The following ZNF529 variants were observed in gnomAD, a reference collection of about 807,000 sequenced individuals.
The protein encoded by ZNF529 is zinc finger protein 529.
In ZNF529, 11 loss-of-function variants were observed where a neutral mutation model predicts 10.1. That is an observed-to-expected ratio of 1.09 (90% CI 0.69 to 1.81). The LOEUF (loss-of-function observed/expected upper bound fraction) is 1.81, where lower values mean the gene tolerates loss of function less well. Among genes scored for constraint, ZNF529 ranks in the 40% most tolerant of loss-of-function variants. The probability of loss-of-function intolerance (pLI) is 0.00; values close to 1 mark genes in which losing one functional copy is unlikely to be tolerated. For synonymous variants in ZNF529, 204 were observed against 215.7 expected (o/e 0.95, Z 0.47); for missense variants, 624 against 666.8 (o/e 0.94, Z 0.71).
chr19:36,557,239 C>T (rs1445320235), intron 2 of ZNF529, among the ~76,000 whole-genome samples: 1 of 152,188 alleles, frequency 6.6e-6, no homozygotes, highest in Non-Finnish European at 1.5e-5. Flanking sequence ...GTAGGCAAGG[C>T]TGTACTCCCA....
At chr19:36,548,807 G>A (rs1268913560) in intron 4 of ZNF529, among the ~76,000 whole-genome samples, 1 of 152,136 alleles carries the variant, frequency 6.6e-6, no homozygotes, top group Admixed American at 6.6e-5. Context: ...GGTTACCTGA[G>A]CTCAGAACTT....
intron 2 of ZNF529, among the ~76,000 whole-genome samples, chr19:36,583,320 G>A (rs975405683): frequency 2.6e-5 from 4 of 152,042 alleles, no homozygotes; most frequent in African/African-American, 9.7e-5. Flanking sequence ...GCCTCCCAAA[G>A]TGCTGAGATT....
chr19:36,555,443 G>A lies in ZNF529; in HGVS notation c.109-647C>T, dbSNP rs1197225344. Among the ~76,000 whole-genome samples the A allele has an allele frequency of 2.3e-5, 2 of 86,118 alleles. 1 individual carries two copies. The highest frequency in any genetic ancestry group is 4.5e-5 in the Non-Finnish European group (2 of 44,016). The allele number at this position is 86,118 out of a possible 152,430, so 56.5% of individuals were successfully genotyped here. ...CCAGTAGCTGGGACTACAGGCGCCC[G>A]CCACCGCGCCCGGCTAATTTTTTGT... On this transcript the variant is annotated intron_variant, in intron 3 of 4. Transcript: ENST00000591340.
intron 2 of ZNF529, among the ~76,000 whole-genome samples, chr19:36,556,906 C>T (rs1352642758): frequency 6.6e-6 from 1 of 152,144 alleles, no homozygotes; most frequent in Non-Finnish European, 1.5e-5. Context: ...AGGGCAATGT[C>T]AAAAACTGAA....
intron 1 of ZNF529, among the ~76,000 whole-genome samples, chr19:36,601,355 C>T (rs1267218059): frequency 6.6e-6 from 1 of 151,912 alleles, no homozygotes; most frequent in African/African-American, 2.4e-5. Flanking sequence ...CCGCCTGCCT[C>T]GGCCTCCCAA....
chr19:36,576,158 C>A (rs3096619), upstream of ZNF529, among the ~76,000 whole-genome samples: 49,435 of 151,846 alleles, frequency 0.33, 8,396 homozygotes, highest in South Asian at 0.42. Flanking sequence ...CACGTGACTT[C>A]TTTTGCCTCC....
At chr19:36,554,863 G>A in intron 3 of ZNF529, 67 bp from the exon 4 acceptor site, 1 of 1,399,830 alleles carries the variant, frequency 7.1e-7, no homozygotes, top group South Asian at 1.6e-5. Context: ...AAGACAAGAG[G>A]AATTGCCTTA....
At chr19:36,556,878 TGGA>T (rs1293260648) in intron 2 of ZNF529, among the ~76,000 whole-genome samples, 1 of 152,164 alleles carries the variant, frequency 6.6e-6, no homozygotes, top group Non-Finnish European at 1.5e-5. Context: ...CAACAGAATG[TGGA>T]GAAGTTTAAA....
At chr19:36,599,789 A>G (rs1937010413) in intron 1 of ZNF529, among the ~76,000 whole-genome samples, 1 of 152,174 alleles carries the variant, frequency 6.6e-6, no homozygotes, top group Non-Finnish European at 1.5e-5. Flanking sequence ...GTGAGCAAAC[A>G]GGCTGGCAAA....
upstream of ZNF529, chr19:36,577,053 A>G: frequency 2.7e-6 from 1 of 370,474 alleles, no homozygotes. Context: ...CTTAGGCTCA[A>G]GTGACTCTCC....
upstream of ZNF529, chr19:36,577,537 G>A (rs2036356037): frequency 6.4e-6 from 1 of 155,122 alleles, no homozygotes; most frequent in African/African-American, 2.4e-5. Context: ...CTGGAATGCA[G>A]TGGCATTGTC....
intron 1 of ZNF529, among the ~76,000 whole-genome samples, chr19:36,601,196 T>G (rs1371644336): frequency 6.7e-6 from 1 of 149,516 alleles, no homozygotes. Flanking sequence ...TTTTTTTTTT[T>G]GAGACGGAGT....
intron 1 of ZNF529, among the ~76,000 whole-genome samples, chr19:36,599,747 G>A (rs1040463394): frequency 1.3e-5 from 2 of 152,146 alleles, no homozygotes; most frequent in Non-Finnish European, 1.5e-5. Flanking sequence ...AGAGCTGGGA[G>A]GGAAAGCTAT....
intron 2 of ZNF529, among the ~76,000 whole-genome samples, chr19:36,565,196 T>C (rs932976878): frequency 6.6e-6 from 1 of 152,098 alleles, no homozygotes; most frequent in African/African-American, 2.4e-5. Flanking sequence ...TCATGCAATA[T>C]ACTCATGTTA....
rs1355371061 is a variant in ZNF529 at position 36,556,124 on chromosome 19, T to C, written c.88A>G (p.Thr30Ala). The change falls in exon 3 of 5, where the codon ACA becomes GCA. Residue 30 changes from threonine to alanine, a missense_variant. Physicochemically the swap from Thr to Ala is moderately conservative, Grantham distance 58. Coordinates refer to ENST00000591340, the MANE Select transcript of ZNF529 (RefSeq NM_020951.5). ...PEVEFPDQFF[T>A]VLTMDHELVT... Reference sequence around the variant, plus strand: ...CTTACATGGTCCATGGTTAGAACTGTAAAGAATTGGTCAGGGAATTCCACT... The same window carrying C: ...CTTACATGGTCCATGGTTAGAACTGCAAAGAATTGGTCAGGGAATTCCACT... The C allele has an allele frequency of 6.4e-7, 1 of 1,550,632 alleles. No individual in the cohort carries two copies. The highest frequency in any genetic ancestry group is 8.7e-7 in the Non-Finnish European group (1 of 1,146,158).
chr19:36,599,040 A>T (rs546596495), intron 1 of ZNF529, among the ~76,000 whole-genome samples: 1 of 152,344 alleles, frequency 6.6e-6, no homozygotes. Context: ...AGAGAATCTG[A>T]CCCAAATAGT....
intron 1 of ZNF529, among the ~76,000 whole-genome samples, chr19:36,597,591 G>T (rs558538835): frequency 6.6e-6 from 1 of 152,106 alleles, no homozygotes; most frequent in African/African-American, 2.4e-5. Flanking sequence ...GTGCAGGGGT[G>T]GGGGAGAGGA....
chr19:36,599,132 A>C (rs1026226620), intron 1 of ZNF529, among the ~76,000 whole-genome samples: 6 of 152,226 alleles, frequency 3.9e-5, no homozygotes, highest in African/African-American at 1.4e-4. Flanking sequence ...AACTATTAAC[A>C]TCAATTCTGT....
chr19:36,578,497 G>A (rs548372490), intron 2 of ZNF529, among the ~76,000 whole-genome samples: 19 of 150,700 alleles, frequency 1.3e-4, no homozygotes, highest in Admixed American at 9.9e-4. Context: ...AGTAGAGATG[G>A]GGTTTCACCG....
Sources: allele counts gnomAD v4.1 joint callset (sites outside exome capture counted in the v4.1 genomes callset), GRCh38; gene constraint gnomAD v4.1.1; transcripts MANE v1.5; gene names NCBI Gene and HGNC (gene_info 2026-07-23, HGNC 2026-07-21).